Variants in MEGF10 observed in about 807,000 individuals in gnomAD.
The protein encoded by MEGF10 is multiple epidermal growth factor-like domains protein 10.
MEGF10 carries 86 observed loss-of-function variants against 147.5 expected under a neutral mutation model. That is an observed-to-expected ratio of 0.58 (90% CI 0.49 to 0.70). The LOEUF is 0.70. MEGF10 is among the 30% of genes least tolerant of loss of function. The pLI is 0.00. For synonymous variants in MEGF10, 478 were observed against 525.5 expected (o/e 0.91, Z 1.24); for missense variants, 1,329 against 1,487.3 (o/e 0.89, Z 1.75).
chr5:127,335,208 T>TTAAATGTTCTA (rs1365151640), intron 2 of MEGF10, among the ~76,000 whole-genome samples: 1 of 152,118 alleles, frequency 6.6e-6, no homozygotes, highest in Admixed American at 6.6e-5. Context: ...TTTAGAAGCT[T>TTAAATGTTCTA]TAAATGTTCT....
upstream of MEGF10, among the ~76,000 whole-genome samples, chr5:127,288,017 C>A (rs947918058): frequency 5.3e-5 from 8 of 151,954 alleles, no homozygotes; most frequent in African/African-American, 1.9e-4. Flanking sequence ...ATCTTCTCAA[C>A]AAATGGTGCC....
At chr5:127,279,735 T>C in the MEGF10 span, among the ~76,000 whole-genome samples, 6 of 152,170 alleles carry the variant, frequency 3.9e-5, no homozygotes, top group Admixed American at 3.9e-4. Context: ...CCAAATAGAC[T>C]ATCAACCCAG....
chr5:127,401,340 T>A lies in MEGF10; in HGVS notation c.781-1206T>A, dbSNP rs116880926. ...CTCAACACAGGCACATAGATGATTCTCAGTTAAGTGCTGATTCGAATCATC... is the reference window on the plus strand; with the variant it reads ...CTCAACACAGGCACATAGATGATTCACAGTTAAGTGCTGATTCGAATCATC... On this transcript the variant is annotated intron_variant, in intron 7 of 24. Coordinates refer to ENST00000503335, the MANE Select transcript of MEGF10 (RefSeq NM_001256545.2). 2.1e-3 allele frequency among the ~76,000 whole-genome samples: 327 copies of A among 152,310 alleles called. 1 individual carries two copies. The highest frequency in any genetic ancestry group is 0.014 in the East Asian group (72 of 5,192).
chr5:127,285,489 A>G, the MEGF10 span, among the ~76,000 whole-genome samples: 1 of 152,174 alleles, frequency 6.6e-6, no homozygotes, highest in Non-Finnish European at 1.5e-5. Flanking sequence ...CCAACAAAAA[A>G]GTCTACTTAA....
chr5:127,420,496 C>G (rs1194756838), intron 12 of MEGF10, among the ~76,000 whole-genome samples: 1 of 152,036 alleles, frequency 6.6e-6, no homozygotes, highest in Non-Finnish European at 1.5e-5. Context: ...TCACCCATCT[C>G]TTGGTGGCAG....
At chr5:127,268,743 G>A in the MEGF10 span, among the ~76,000 whole-genome samples, 2 of 152,182 alleles carry the variant, frequency 1.3e-5, no homozygotes, top group Non-Finnish European at 2.9e-5. Context: ...GAGAGTAGTG[G>A]TTCTCCTAGC....
chr5:127,371,217 G>A (rs1417834578), intron 5 of MEGF10, among the ~76,000 whole-genome samples: 1 of 150,996 alleles, frequency 6.6e-6, no homozygotes, highest in African/African-American at 2.4e-5. Context: ...GTGTGTGTGT[G>A]TGTGTGTGTG....
At chr5:127,247,263 A>T in the MEGF10 span, among the ~76,000 whole-genome samples, 1 of 138,484 alleles carries the variant, frequency 7.2e-6, no homozygotes, top group East Asian at 2.1e-4. Context: ...ATTCCAAAAG[A>T]CAGCAAAGTG....
chr5:127,409,273 C>T (rs72790408), intron 8 of MEGF10, among the ~76,000 whole-genome samples: 15,719 of 152,196 alleles, frequency 0.1, 932 homozygotes, highest in Non-Finnish European at 0.13. Flanking sequence ...TGATACAGAT[C>T]TAAAAAATGC....
At chr5:127,350,037 T>C (rs1762033785) in intron 4 of MEGF10, among the ~76,000 whole-genome samples, 2 of 152,168 alleles carry the variant, frequency 1.3e-5, no homozygotes, top group South Asian at 4.1e-4. Flanking sequence ...GTCCTTTATT[T>C]CTTGTAAATG....
At chr5:127,433,671 C>T (rs765544881) in intron 14 of MEGF10, among the ~76,000 whole-genome samples, 162 bp downstream of exon 14, 6 of 152,214 alleles carry the variant, frequency 3.9e-5, no homozygotes, top group Non-Finnish European at 8.8e-5. Context: ...ACTGTGTTCC[C>T]TAAGAGCTTC....
In MEGF10 at chr5:127,449,241, C is replaced by T. The variant is rs746829205; in HGVS notation, c.2980+19C>T. The T allele has an allele frequency of 9.9e-6, 16 of 1,612,396 alleles. No individual in the cohort carries two copies. Among genetic ancestry groups the T allele is most frequent in the African/African-American group, 5.3e-5 (4 of 74,836 alleles). On this transcript the variant is annotated intron_variant, in intron 22 of 24. Transcript: ENST00000503335. ...GAGCTCGGTGAGTTCTCCCAACGCA[C>T]GTCCCCAGAAGCACCTTGACCTGTC...
the MEGF10 span, among the ~76,000 whole-genome samples, chr5:127,276,224 A>G: frequency 2.6e-5 from 4 of 152,250 alleles, no homozygotes; most frequent in African/African-American, 9.6e-5. Context: ...AATGTAAGGA[A>G]AGGCTCTGCC....
chr5:127,307,208 A>G (rs1019277293), intron 1 of MEGF10, among the ~76,000 whole-genome samples: 5 of 152,184 alleles, frequency 3.3e-5, no homozygotes, highest in African/African-American at 4.8e-5. Flanking sequence ...TTGCCACACC[A>G]TATGATGTTA....
intron 20 of MEGF10, among the ~76,000 whole-genome samples, chr5:127,447,142 T>C (rs765126426): frequency 1.5e-4 from 23 of 152,270 alleles, no homozygotes; most frequent in Admixed American, 3.9e-4. Flanking sequence ...GCTTGTGATA[T>C]GGAAGGAGTC....
rs919127421 is a variant in MEGF10 at position 127,428,047 on chromosome 5, G to C, written c.1693+5275G>C. On this transcript the variant is annotated intron_variant, in intron 13 of 24. Coordinates refer to ENST00000503335, the MANE Select transcript of MEGF10 (RefSeq NM_001256545.2). ...TGCTCATTTCCCCCAACAAGAAAAG[G>C]CCACAGAAAAAACCAAAGCTCCAAG... Among the ~76,000 whole-genome samples the C allele has an allele frequency of 2.0e-4, 31 of 151,794 alleles. 1 individual carries two copies. Among genetic ancestry groups the C allele is most frequent in the Non-Finnish European group, 1.2e-4 (8 of 67,992 alleles).
intron 17 of MEGF10, 128 bp downstream of exon 17, chr5:127,438,695 G>A: frequency 1.1e-6 from 1 of 881,398 alleles, no homozygotes. Flanking sequence ...CTCTCCTAAT[G>A]ACCTGTAGAC....
chr5:127,323,418 G>C (rs905175338), intron 1 of MEGF10, among the ~76,000 whole-genome samples: 1 of 152,184 alleles, frequency 6.6e-6, no homozygotes, highest in African/African-American at 2.4e-5. Flanking sequence ...GGCATTGTGA[G>C]GTTATGCCCC....
chr5:127,284,019 CAG>C, the MEGF10 span, among the ~76,000 whole-genome samples: 2 of 152,258 alleles, frequency 1.3e-5, no homozygotes, highest in East Asian at 3.9e-4. Flanking sequence ...ATGAAGAAGA[CAG>C]AAAAGTACTC....
Sources: gnomAD v4.1 joint callset for allele counts (sites outside exome capture counted in the v4.1 genomes callset) on GRCh38, gnomAD v4.1.1 for gene constraint, MANE v1.5 for transcripts, NCBI Gene and HGNC (gene_info 2026-07-23, HGNC 2026-07-21) for gene names.